Variants in TSPAN9 observed in about 807,000 individuals in gnomAD.
TSPAN9 encodes the protein tetraspanin-9.
In TSPAN9, 16 loss-of-function variants were observed where a neutral mutation model predicts 31.0. The observed-to-expected ratio is 0.52, with a 90% CI of 0.35 to 0.78. The LOEUF (loss-of-function observed/expected upper bound fraction) is 0.78, where lower values mean the gene tolerates loss of function less well. TSPAN9 is among the 30% of genes least tolerant of loss of function. The pLI is 0.01. For synonymous variants in TSPAN9, 145 were observed against 121.6 expected (o/e 1.19, Z -1.27); for missense variants, 272 against 312.5 (o/e 0.87, Z 0.98).
At chr12:3,139,893 C>T (rs1178154801) in intron 2 of TSPAN9, among the ~76,000 whole-genome samples, 2 of 152,222 alleles carry the variant, frequency 1.3e-5, no homozygotes, top group African/African-American at 4.8e-5. Flanking sequence ...TCTCTAGCCC[C>T]TGCAGCTGAC....
chr12:3,151,795 C>T (rs898983222), intron 2 of TSPAN9, among the ~76,000 whole-genome samples: 4 of 152,052 alleles, frequency 2.6e-5, no homozygotes, highest in African/African-American at 7.2e-5. Context: ...CCGTGGTGTG[C>T]GCCTGTACTC....
chr12:3,227,837 G>A (rs536516409), intron 3 of TSPAN9, among the ~76,000 whole-genome samples: 6 of 152,298 alleles, frequency 3.9e-5, no homozygotes, highest in African/African-American at 1.2e-4. Context: ...GGTCCTGCTC[G>A]GGTAGGCTGG....
Position 3,096,433 on chromosome 12 carries a change from C to CTTTTTTTTTTTTTTTTTTTTTTTTTTTTT in TSPAN9, c.-18+12717_-18+12718insTTTTTTTTTTTTTTTTTTTTTTTTTTTTT, listed in dbSNP as rs1302577208. 4.6e-5 allele frequency among the ~76,000 whole-genome samples: 7 copies of CTTTTTTTTTTTTTTTTTTTTTTTTTTTTT among 152,230 alleles called. No individual in the cohort carries two copies. In the East Asian group the frequency reaches 7.8e-4, roughly 17 times the overall value. ...CCTAAGTATCTCTTGTGCATTGTCT[C>CTTTTTTTTTTTTTTTTTTTTTTTTTTTTT]TTTATTCCTTCTGAAGAGCAGAGGC... On this transcript the variant is annotated intron_variant, in intron 2 of 8. Transcript: ENST00000011898.
At chr12:3,257,214 G>GT in intron 3 of TSPAN9, among the ~76,000 whole-genome samples, 1 of 152,108 alleles carries the variant, frequency 6.6e-6, no homozygotes, top group Admixed American at 6.5e-5. Context: ...TCTGCAGGGA[G>GT]TAAGGGTGGG....
chr12:3,154,008 ATATG>A (rs1429567677), intron 2 of TSPAN9, among the ~76,000 whole-genome samples: 1 of 56,280 alleles, frequency 1.8e-5, no homozygotes, highest in African/African-American at 5.2e-5. Flanking sequence ...TATTATATAT[ATATG>A]TGTGTGTGTG....
chr12:3,144,248 CT>C (rs2098336162), intron 2 of TSPAN9, among the ~76,000 whole-genome samples: 1 of 152,134 alleles, frequency 6.6e-6, no homozygotes, highest in Admixed American at 6.6e-5. Context: ...TTACAGGCAC[CT>C]GCCACCACGC....
chr12:3,080,060 A>T (rs1414899134), intron 1 of TSPAN9, among the ~76,000 whole-genome samples: 2 of 150,468 alleles, frequency 1.3e-5, no homozygotes, highest in South Asian at 2.1e-4. Flanking sequence ...AAGTGTTGGG[A>T]TTACAGGCGT....
chr12:3,173,919 T>C (rs531675298), intron 2 of TSPAN9: 1 of 152,352 alleles, frequency 6.6e-6, no homozygotes, highest in Non-Finnish European at 1.5e-5. Context: ...CCAAGTGAAA[T>C]GCCCAGCAGA....
chr12:3,213,878 G>A (rs2098380057), intron 3 of TSPAN9, among the ~76,000 whole-genome samples: 1 of 152,208 alleles, frequency 6.6e-6, no homozygotes, highest in Non-Finnish European at 1.5e-5. Flanking sequence ...AACAGCCTGC[G>A]GGATCCTGGG....
chr12:3,201,066 C>CCCGGGG (rs1266489820), intron 2 of TSPAN9, 111 bp from the exon 3 acceptor site: 4 of 1,050,828 alleles, frequency 3.8e-6, no homozygotes, highest in Non-Finnish European at 5.7e-6. Context: ...ACCGCGGGCT[C>CCCGGGG]CCGGGGCCAG....
At chr12:3,078,083 C>T (rs1374556710) in intron 1 of TSPAN9, among the ~76,000 whole-genome samples, 1 of 152,240 alleles carries the variant, frequency 6.6e-6, no homozygotes, top group Non-Finnish European at 1.5e-5. Flanking sequence ...ACTTGTACAT[C>T]TTGGAACTGG....
At chr12:3,181,236 T>C (rs1428589697) in intron 2 of TSPAN9, among the ~76,000 whole-genome samples, 1 of 152,150 alleles carries the variant, frequency 6.6e-6, no homozygotes, top group Non-Finnish European at 1.5e-5. Flanking sequence ...AAAAGAAATA[T>C]TATCTACTGT....
At position 3,214,299 on chromosome 12, in the gene TSPAN9, GT is replaced by G. The variant is rs555672688; in HGVS notation, c.63+13046del. Among the ~76,000 whole-genome samples, 125 of 152,346 alleles carry G rather than the reference GT, an allele frequency of 8.2e-4. 1 individual carries two copies. The highest frequency in any genetic ancestry group is 3.0e-3 in the African/African-American group (123 of 41,578). ...CGGTAGAGTGATGGACCACGGATGA[GT>G]TTCTTCTGTCTCATAGGTGGTGACA... On this transcript the variant is annotated intron_variant, in intron 3 of 8. Coordinates refer to ENST00000011898, the MANE Select transcript of TSPAN9 (RefSeq NM_006675.5).
intron 2 of TSPAN9, among the ~76,000 whole-genome samples, chr12:3,119,424 A>G (rs1280898349): frequency 6.6e-6 from 1 of 152,144 alleles, no homozygotes; most frequent in African/African-American, 2.4e-5. Context: ...AGGTGGGGAA[A>G]CTTGGGTCTG....
chr12:3,179,099 G>A (rs909019755), intron 2 of TSPAN9, among the ~76,000 whole-genome samples: 2 of 152,174 alleles, frequency 1.3e-5, no homozygotes, highest in Non-Finnish European at 2.9e-5. Flanking sequence ...CATTAGACAG[G>A]AACTATCAGG....
intron 1 of TSPAN9, among the ~76,000 whole-genome samples, chr12:3,080,587 C>T (rs185999692): frequency 5.3e-5 from 8 of 152,228 alleles, no homozygotes; most frequent in East Asian, 1.9e-4. Context: ...CCACCCTCCT[C>T]GGCCCCAAAA....
At chr12:3,092,722 T>C (rs569464681) in intron 2 of TSPAN9, among the ~76,000 whole-genome samples, 2 of 152,338 alleles carry the variant, frequency 1.3e-5, no homozygotes, top group South Asian at 4.1e-4. Context: ...GGGTCTCAGT[T>C]GTTTGGCACA....
At position 3,280,586 on chromosome 12, in the gene TSPAN9, T is replaced by G. The variant is rs1862875877; in HGVS notation, c.432+103T>G. 1 of 1,116,822 alleles carries G rather than the reference T, an allele frequency of 9.0e-7. No homozygotes were observed. Among genetic ancestry groups the G allele is most frequent in the African/African-American group, 1.6e-5 (1 of 64,440 alleles). The allele number at this position is 1,116,822 out of a possible 1,614,324, so 69.2% of individuals were successfully genotyped here. On this transcript the variant is annotated intron_variant, in intron 6 of 8. Transcript: ENST00000011898. This position sits in a 1 kb window ranked among gnomAD's most constrained non-coding sequence, Gnocchi z 4.5. The stretch of plus-strand genomic sequence containing the variant: ...GACCTGGCCGGGCACCTGTGCTTTC[T>G]GGATTTTAGCCGGGAGTGGAGTGGT...
At chr12:3,218,952 A>G (rs1304513378) in intron 3 of TSPAN9, among the ~76,000 whole-genome samples, 3 of 152,152 alleles carry the variant, frequency 2.0e-5, no homozygotes, top group African/African-American at 7.2e-5. Flanking sequence ...CATGGTGGAC[A>G]TGTCAGCTGT....
Sources: gnomAD v4.1 joint callset for allele counts (sites outside exome capture counted in the v4.1 genomes callset) on GRCh38, gnomAD v4.1.1 for gene constraint, Gnocchi (gnomAD v3.1) non-coding constraint, MANE v1.5 for transcripts, NCBI Gene and HGNC (gene_info 2026-07-23, HGNC 2026-07-21) for gene names.